DPP10: variants seen among roughly 807,000 people sequenced by gnomAD.
DPP10 encodes the protein inactive dipeptidyl peptidase 10.
Under a neutral mutation model 120.9 loss-of-function variants are expected in DPP10, and 33 were observed. The observed-to-expected ratio is 0.27, with a 90% CI of 0.21 to 0.37. The LOEUF (loss-of-function observed/expected upper bound fraction) is 0.37. Among genes scored for constraint, DPP10 ranks in the 10% least tolerant of loss-of-function variants. DPP10 has a pLI of 1.00. For missense variants in DPP10, 816 were observed against 942.8 expected, an observed-to-expected ratio of 0.87 and a Z score of 1.76; for synonymous variants, 337 against 326.1, an observed-to-expected ratio of 1.03 and a Z score of -0.36.
chr2:115,515,797 T>A (rs1238930719), intron 4 of DPP10, among the ~76,000 whole-genome samples: 1 of 152,106 alleles, frequency 6.6e-6, no homozygotes, highest in Non-Finnish European at 1.5e-5. Flanking sequence ...AACACCTGTT[T>A]AATAAAATTG....
intron 1 of DPP10, among the ~76,000 whole-genome samples, chr2:115,202,162 C>G (rs2105301761): frequency 6.6e-6 from 1 of 152,222 alleles, no homozygotes; most frequent in African/African-American, 2.4e-5. Flanking sequence ...ATCCTGGCCT[C>G]AAGGGATCCT....
chr2:115,753,312 T>A lies in DPP10; in HGVS notation c.1074+15T>A. 2 of 1,587,814 alleles carry A rather than the reference T, an allele frequency of 1.3e-6. No homozygotes were observed. Among genetic ancestry groups the A allele is most frequent in the East Asian group, 4.5e-5 (2 of 44,030 alleles). ...CTTGTAGTAAAGTGAGTATAATTTA[T>A]TTTTCTTTTATGCCTAAAATGAAGT... On this transcript the variant is annotated intron_variant, in intron 11 of 25. Transcript: ENST00000410059.
At chr2:115,283,727 A>G (rs1248754854) in intron 1 of DPP10, among the ~76,000 whole-genome samples, 4 of 152,082 alleles carry the variant, frequency 2.6e-5, no homozygotes, top group African/African-American at 9.7e-5. Flanking sequence ...GTATGTAGTC[A>G]TGTACCACGT....
At position 114,501,899 on chromosome 2, in the gene DPP10, C is replaced by T. The variant is rs1012438342; in HGVS notation, c.60+59061C>T. On this transcript the variant is annotated intron_variant, in intron 1 of 25. Transcript: ENST00000410059. Reference sequence around the variant, plus strand: ...GTCAAACACCATTAAAGTGAGGATACGATTTATATGAGAAAAAACGAAGAT... The same window carrying T: ...GTCAAACACCATTAAAGTGAGGATATGATTTATATGAGAAAAAACGAAGAT... Among the ~76,000 whole-genome samples, 13 of 147,780 alleles carry T rather than the reference C, an allele frequency of 8.8e-5. No individual in the cohort carries two copies. In the South Asian group the frequency reaches 2.4e-3, roughly 27 times the overall value.
At chr2:115,480,018 C>G (rs1201851021) in intron 3 of DPP10, among the ~76,000 whole-genome samples, 1 of 152,128 alleles carries the variant, frequency 6.6e-6, no homozygotes, top group African/African-American at 2.4e-5. Flanking sequence ...AGAGCTACCC[C>G]TTCAACTATA....
rs920050839 is a variant in DPP10 at position 115,842,847 on chromosome 2, G to A, written c.*502G>A. 6.6e-6 allele frequency: 1 copy of A among 152,610 alleles called. No individual in the cohort carries two copies. The highest frequency in any genetic ancestry group is 1.5e-5 in the Non-Finnish European group (1 of 68,080). The allele number at this position is 152,610 out of a possible 1,614,324, so 9.5% of individuals were successfully genotyped here. A position where few individuals can be genotyped will look rare whatever the true frequency, so the allele number is the denominator to read the frequency against. ...AAATATTCAGTTAATAAAAAACAGA[G>A]TATTTTATGTAATTTCTGTTTTTAA... On this transcript the variant is annotated 3_prime_UTR_variant, in exon 26 of 26. Coordinates refer to ENST00000410059, the MANE Select transcript of DPP10 (RefSeq NM_020868.6).
chr2:115,176,359 T>A (rs1291924495), intron 1 of DPP10, among the ~76,000 whole-genome samples: 1 of 148,882 alleles, frequency 6.7e-6, no homozygotes, highest in African/African-American at 2.4e-5. Flanking sequence ...ATTTATATTA[T>A]GTAATGTAAT....
At chr2:115,687,354 A>G (rs1158594041) in intron 5 of DPP10, among the ~76,000 whole-genome samples, 1 of 152,076 alleles carries the variant, frequency 6.6e-6, no homozygotes, top group Non-Finnish European at 1.5e-5. Context: ...AGTATTTGAG[A>G]TCTGCTGGGA....
intron 1 of DPP10, among the ~76,000 whole-genome samples, chr2:114,876,741 T>A (rs1172354539): frequency 6.6e-6 from 1 of 152,060 alleles, no homozygotes; most frequent in Non-Finnish European, 1.5e-5. Context: ...TATCTGTTCA[T>A]TTTTCTCCAT....
chr2:115,768,241 G>C, intron 12 of DPP10, 56 bp from the exon 13 acceptor site: 1 of 1,465,232 alleles, frequency 6.8e-7, no homozygotes, highest in East Asian at 2.3e-5. Flanking sequence ...ACAGTAGTAG[G>C]CAGCACAGAT....
intron 17 of DPP10, among the ~76,000 whole-genome samples, chr2:115,788,594 G>C (rs1051418859): frequency 6.6e-6 from 1 of 152,144 alleles, no homozygotes; most frequent in African/African-American, 2.4e-5. Flanking sequence ...AATGACAATA[G>C]TGGAACATTA....
intron 17 of DPP10, 78 bp downstream of exon 17, chr2:115,782,477 T>C: frequency 7.5e-7 from 1 of 1,339,434 alleles, no homozygotes; most frequent in Non-Finnish European, 1.1e-6. Flanking sequence ...TTCTGAGTCA[T>C]ATCCTCTATA....
At chr2:114,958,389 T>C (rs1558922851) in intron 1 of DPP10, among the ~76,000 whole-genome samples, 1 of 152,204 alleles carries the variant, frequency 6.6e-6, no homozygotes, top group African/African-American at 2.4e-5. Context: ...CGAGTCCTTC[T>C]CAGGCCATAT....
intron 1 of DPP10, among the ~76,000 whole-genome samples, chr2:114,731,938 G>A (rs1382580453): frequency 6.6e-6 from 1 of 152,144 alleles, no homozygotes; most frequent in African/African-American, 2.4e-5. Flanking sequence ...AGTAGGATGA[G>A]CCTGGTCAAT....
chr2:114,816,619 TG>T (rs1392723973), intron 1 of DPP10, among the ~76,000 whole-genome samples: 2 of 152,242 alleles, frequency 1.3e-5, no homozygotes, highest in African/African-American at 4.8e-5. Flanking sequence ...AATTATCTAA[TG>T]TATTCATTCG....
At chr2:114,682,566 G>A (rs1418419251) in intron 1 of DPP10, among the ~76,000 whole-genome samples, 3 of 143,440 alleles carry the variant, frequency 2.1e-5, no homozygotes, top group Non-Finnish European at 3.1e-5. Context: ...GCAATCGATG[G>A]GTAATTATTA....
At chr2:115,139,555 G>T (rs1436512940) in intron 1 of DPP10, among the ~76,000 whole-genome samples, 1 of 151,680 alleles carries the variant, frequency 6.6e-6, no homozygotes, top group African/African-American at 2.4e-5. Context: ...TTATAAAATG[G>T]ACATTCTGGG....
chr2:115,568,985 C>A (rs2081185903), intron 5 of DPP10, among the ~76,000 whole-genome samples: 1 of 152,252 alleles, frequency 6.6e-6, no homozygotes, highest in Admixed American at 6.5e-5. Context: ...TGATAGTCTT[C>A]CTTAGTGTCT....
chr2:114,540,391 T>C (rs1686860309), intron 1 of DPP10, among the ~76,000 whole-genome samples: 1 of 152,180 alleles, frequency 6.6e-6, no homozygotes, highest in South Asian at 2.1e-4. Context: ...TATACCTATT[T>C]TAAAAGGTAC....
Sources: allele counts gnomAD v4.1 joint callset (sites outside exome capture counted in the v4.1 genomes callset), GRCh38; gene constraint gnomAD v4.1.1; transcripts MANE v1.5; gene names NCBI Gene and HGNC (gene_info 2026-07-23, HGNC 2026-07-21).